The following CUL7 variants were observed in gnomAD, a reference collection of about 807,000 sequenced individuals.
The protein encoded by CUL7 is cullin-7.
A neutral mutation model predicts 177.7 loss-of-function variants in CUL7; 96 were observed. The observed-to-expected ratio is 0.54, with a 90% CI of 0.46 to 0.64. The LOEUF (loss-of-function observed/expected upper bound fraction) is 0.64. Among genes scored for constraint, CUL7 ranks in the 30% least tolerant of loss-of-function variants. The pLI is 0.00. For missense variants in CUL7, 1,893 were observed against 2,187.9 expected (o/e 0.87, Z 2.69); for synonymous variants, 824 against 890.2 (o/e 0.93, Z 1.32).
At chr6:43,039,175 C>T (rs546532902) in intron 22 of CUL7, among the ~76,000 whole-genome samples, 188 bp from the exon 23 acceptor site, 1 of 152,316 alleles carries the variant, frequency 6.6e-6, no homozygotes. Flanking sequence ...CTATGGCAAG[C>T]CTCAGGATCT....
rs1763052496 is a variant in CUL7 at position 43,037,629 on chromosome 6, C to G, written c.*59G>C. On this transcript the variant is annotated 3_prime_UTR_variant, in exon 26 of 26. Transcript: ENST00000265348. ...AACACACACGTCATATAATCAAACTCTTGGGTTTTATTTCTGTAAAAGCTC... is the reference window on the plus strand; with the variant it reads ...AACACACACGTCATATAATCAAACTGTTGGGTTTTATTTCTGTAAAAGCTC... 6.9e-7 allele frequency: 1 copy of G among 1,455,108 alleles called. No individual in the cohort carries two copies. Among genetic ancestry groups the G allele is most frequent in the African/African-American group, 1.4e-5 (1 of 70,972 alleles). The allele number at this position is 1,455,108 out of a possible 1,614,324, so 90.1% of individuals were successfully genotyped here.
intron 9 of CUL7, chr6:43,047,852 T>C: frequency 2.3e-6 from 1 of 438,480 alleles, no homozygotes; most frequent in Non-Finnish European, 4.1e-6. Flanking sequence ...ACGGGAAAGA[T>C]ACATAAATTA....
At position 43,045,026 on chromosome 6, in the gene CUL7, T is replaced by A; in HGVS notation, c.3039-141A>T. 3 of 1,381,228 alleles carry A rather than the reference T, an allele frequency of 2.2e-6. No individual in the cohort carries two copies. The highest frequency in any genetic ancestry group is 3.0e-6 in the Non-Finnish European group (3 of 1,005,890). 85.6% of individuals were successfully genotyped at this position (1,381,228 alleles called of 1,614,324 possible). On this transcript the variant is annotated intron_variant, in intron 15 of 25. Coordinates refer to ENST00000265348, the MANE Select transcript of CUL7 (RefSeq NM_014780.5). The surrounding 1 kb of genome is among the most constrained non-coding windows in gnomAD (Gnocchi z 4.8). ...TACTTCAGAACTGCTCTGTGCTAACTGGTATATCCCATTCCCAGCCCACTG... is the reference window on the plus strand; with the variant it reads ...TACTTCAGAACTGCTCTGTGCTAACAGGTATATCCCATTCCCAGCCCACTG...
Position 43,045,322 on chromosome 6 carries a change from G to A in CUL7, c.2943C>T (p.Leu981=). 6.2e-7 allele frequency: 1 copy of A among 1,614,228 alleles called. No individual in the cohort carries two copies. Among genetic ancestry groups the A allele is most frequent in the African/African-American group, 1.3e-5 (1 of 75,054 alleles). The change falls in exon 15 of 26, where the codon CTC becomes CTT. Residue 981 remains leucine, a synonymous_variant. Transcript: ENST00000265348. This position sits in a 1 kb window ranked among gnomAD's most constrained non-coding sequence, Gnocchi z 4.8. ...TGTAGAAGAGGCGTGTGTGACGACA[G>A]AGCTGCTCCCGGAACACTGGCCAGA... The part of the protein sequence containing the change: ...PTFWPVFREQ[L]CRHTRLFYMV...
chr6:43,041,169 G>A, intron 19 of CUL7, 94 bp from the exon 20 acceptor site: 2 of 1,248,320 alleles, frequency 1.6e-6, no homozygotes, highest in East Asian at 4.9e-5. Context: ...AGATATGAAT[G>A]CTGGCAGCTT....
Position 43,050,651 on chromosome 6 carries a change from C to CT in CUL7, c.1234-254dup, listed in dbSNP as rs898815800. ...GGATGGGCCTGTCTCTCCTCTCACC[C>CT]TGTCTTTCATGGCTTATGCCCCCAC... On this transcript the variant is annotated intron_variant, in intron 4 of 25. Transcript: ENST00000265348. The surrounding 1 kb of genome is among the most constrained non-coding windows in gnomAD (Gnocchi z 4.1). 1.3e-5 allele frequency among the ~76,000 whole-genome samples: 2 copies of CT among 151,792 alleles called. No individual in the cohort carries two copies. The highest frequency in any genetic ancestry group is 2.4e-5 in the African/African-American group (1 of 41,312).
rs140216592 is a variant in CUL7 at position 43,047,018 on chromosome 6, G to A, written c.2259C>T (p.Asp753=). ...AVVLNQLGAR[D]AISKALEKHL... The stretch of plus-strand genomic sequence containing the variant: ...GCTTTTCCAGGGCCTTGGAGATAGC[G>A]TCTCTTGCTCCCAGCTGATTCAGCA... Residue 753 remains aspartate (D), a synonymous_variant, in exon 10 of 26, where the codon GAC becomes GAT. Transcript: ENST00000265348. 15 of 1,612,314 alleles carry A rather than the reference G, an allele frequency of 9.3e-6. No homozygotes were observed. The highest frequency in any genetic ancestry group is 6.7e-5 in the Admixed American group (4 of 60,008).
intron 12 of CUL7, 71 bp from the exon 13 acceptor site, chr6:43,046,162 T>C: frequency 6.2e-7 from 1 of 1,612,630 alleles, no homozygotes; most frequent in Non-Finnish European, 8.5e-7. Flanking sequence ...GGGGTGGTGC[T>C]TCCCCCAAAA....
In CUL7 at chr6:43,040,048, C is replaced by T. The variant is rs1763275597; in HGVS notation, c.4294+108G>A. ...AGCACTGTGCCCAGCCAAAGACTAT[C>T]TCTTTTTACATCAAGCCTCCCAACA... On this transcript the variant is annotated intron_variant, in intron 22 of 25. Transcript: ENST00000265348. The surrounding 1 kb of genome is among the most constrained non-coding windows in gnomAD (Gnocchi z 4.2). The T allele has an allele frequency of 7.4e-7, 1 of 1,351,284 alleles. No homozygotes were observed. Among genetic ancestry groups the T allele is most frequent in the East Asian group, 2.3e-5 (1 of 43,654 alleles). 83.7% of individuals were successfully genotyped at this position (1,351,284 alleles called of 1,614,324 possible). A position where few individuals can be genotyped will look rare whatever the true frequency, so the allele number is the denominator to read the frequency against.
chr6:43,043,493 C>G lies in CUL7; in HGVS notation c.3310G>C (p.Glu1104Gln), dbSNP rs765477014. 6.2e-7 allele frequency: 1 copy of G among 1,614,042 alleles called. No individual in the cohort carries two copies. Among genetic ancestry groups the G allele is most frequent in the Non-Finnish European group, 8.5e-7 (1 of 1,179,960 alleles). The stretch of plus-strand genomic sequence containing the variant: ...ACAGGAGGGGGTGCCTCACAGGGCT[C>G]GACATGCACCAGCAGGTGAGTGAGA... ...RRLTHLLVHV[E>Q]PCEAPPPVVA... Residue 1104 changes from glutamate to glutamine, a missense_variant, in exon 17 of 26, where the codon GAG (glutamate) becomes CAG (glutamine). Glu to Gln is a conservative substitution (Grantham distance 29). Coordinates refer to ENST00000265348, the MANE Select transcript of CUL7 (RefSeq NM_014780.5). This position sits in a 1 kb window ranked among gnomAD's most constrained non-coding sequence, Gnocchi z 4.2.
intron 19 of CUL7, among the ~76,000 whole-genome samples, chr6:43,041,729 G>A (rs1184184991): frequency 6.6e-6 from 1 of 151,730 alleles, no homozygotes; most frequent in African/African-American, 2.4e-5. Flanking sequence ...GGAAGGGAAG[G>A]GAGAGGTGGC....
In CUL7 at chr6:43,050,623, G is replaced by C. The variant is rs1432617603; in HGVS notation, c.1234-225C>G. Among the ~76,000 whole-genome samples, 1 of 149,280 alleles carries C rather than the reference G, an allele frequency of 6.7e-6. No individual in the cohort carries two copies. Among genetic ancestry groups the C allele is most frequent in the Non-Finnish European group, 1.5e-5 (1 of 67,484 alleles). On this transcript the variant is annotated intron_variant, in intron 4 of 25. Transcript: ENST00000265348. The surrounding 1 kb of genome is among the most constrained non-coding windows in gnomAD (Gnocchi z 4.1). The stretch of plus-strand genomic sequence containing the variant: ...ACACACACAGGATGCCTTCTCCTTT[G>C]GGGGATGGGCCTGTCTCTCCTCTCA...
chr6:43,050,011 A>C lies in CUL7; in HGVS notation c.1521T>G (p.Pro507=). The C allele has an allele frequency of 6.2e-7, 1 of 1,614,166 alleles. No individual in the cohort carries two copies. Among genetic ancestry groups the C allele is most frequent in the Non-Finnish European group, 8.5e-7 (1 of 1,180,012 alleles). Residue 507 remains proline, a synonymous_variant, in exon 6 of 26, where the codon CCT becomes CCG. Coordinates refer to ENST00000265348, the MANE Select transcript of CUL7 (RefSeq NM_014780.5). This position sits in a 1 kb window ranked among gnomAD's most constrained non-coding sequence, Gnocchi z 4.1. ...LLFFIKKLDG[P]DHQEVLQILQ... The stretch of plus-strand genomic sequence containing the variant: ...GGATCTGGAGAACCTCCTGATGGTC[A>C]GGTCCATCCAGCTTCTTGATGAAGA...
rs926504841 is a variant in CUL7 at position 43,037,989 on chromosome 6, C to T, written c.4796G>A (p.Gly1599Asp). 1.9e-6 allele frequency: 3 copies of T among 1,593,972 alleles called. No homozygotes were observed. The highest frequency in any genetic ancestry group is 1.1e-5 in the South Asian group (1 of 87,834). The change falls in exon 26 of 26, where the codon GGC (glycine) becomes GAC (aspartate). Residue 1599 changes from glycine to aspartate, a missense_variant. Transcript: ENST00000265348. Reference sequence around the variant, plus strand: ...GACCAAACCCCTGGGAGGACACGGGCCCTTCTGCCAAGCCTCCAGCACCTG... The same window carrying T: ...GACCAAACCCCTGGGAGGACACGGGTCCTTCTGCCAAGCCTCCAGCACCTG... ...VCLVLEAWQK[G>D]PCPPRGLVSS...
Position 43,050,972 on chromosome 6 carries a change from A to C in CUL7, c.1229T>G (p.Val410Gly). The change falls in exon 4 of 26, where the codon GTG (valine) becomes GGG (glycine). Residue 410 changes from valine (V) to glycine (G), a missense_variant. Transcript: ENST00000265348. This position sits in a 1 kb window ranked among gnomAD's most constrained non-coding sequence, Gnocchi z 4.1. ...FRQSNNGVPP[V>G]QVFWESTGRT... Reference sequence around the variant, plus strand: ...CCACCACCATGTGCCACTCACCTGCACAGGAGGCACACCGTTGTTGCTCTG... The same window carrying C: ...CCACCACCATGTGCCACTCACCTGCCCAGGAGGCACACCGTTGTTGCTCTG... The C allele has an allele frequency of 6.2e-7, 1 of 1,613,974 alleles. No homozygotes were observed. The highest frequency in any genetic ancestry group is 1.1e-5 in the South Asian group (1 of 91,076).
In CUL7 at chr6:43,043,602, C is replaced by G; in HGVS notation, c.3201G>C (p.Trp1067Cys). The G allele has an allele frequency of 6.2e-7, 1 of 1,612,030 alleles. No homozygotes were observed. Among genetic ancestry groups the G allele is most frequent in the Non-Finnish European group, 8.5e-7 (1 of 1,179,026 alleles). Residue 1067 changes from tryptophan to cysteine, a missense_variant, in exon 17 of 26, where the codon TGG becomes TGC. This residue lies in a region of CUL7 where 973 missense variants were observed against 1,140.9 expected (regional missense o/e 0.85). Coordinates refer to ENST00000265348, the MANE Select transcript of CUL7 (RefSeq NM_014780.5). The surrounding 1 kb of genome is among the most constrained non-coding windows in gnomAD (Gnocchi z 4.2). Reference sequence around the variant, plus strand: ...GACACTCCAGGTACTGGTCCAGCAGCCAACCCAGGGGGCTAATGCCATCCT... The same window carrying G: ...GACACTCCAGGTACTGGTCCAGCAGGCAACCCAGGGGGCTAATGCCATCCT... ...PDEDGISPLG[W>C]LLDQYLECQE...
At position 43,048,552 on chromosome 6, in the gene CUL7, G is replaced by A; in HGVS notation, c.1843C>T (p.Gln615Ter). ...AKVEAKEPPS[Q>*]SPNTPLQRLV... is the part of the protein sequence containing the mutation. ...CGCTGCAGGGGAGTGTTGGGACTCT[G>A]AGATGGGGGTTCTTTTGCTACAGGA... is the stretch of plus-strand genomic sequence containing the variant. The change falls in exon 8 of 26, where the codon CAG (glutamine) becomes TAG (stop). Residue 615 changes from glutamine (Q) to a stop codon, truncating the protein, a stop_gained. Coordinates refer to ENST00000265348, the MANE Select transcript of CUL7 (RefSeq NM_014780.5). LOFTEE classifies it high-confidence loss of function. 1 of 1,613,960 alleles carries A rather than the reference G, an allele frequency of 6.2e-7. No homozygotes were observed. The highest frequency in any genetic ancestry group is 8.5e-7 in the Non-Finnish European group (1 of 1,179,850).
Position 43,049,969 on chromosome 6 carries a change from A to G in CUL7, c.1563T>C (p.Asp521=), listed in dbSNP as rs1213188065. 1.2e-6 allele frequency: 2 copies of G among 1,613,698 alleles called. No homozygotes were observed. The highest frequency in any genetic ancestry group is 3.3e-5 in the Admixed American group (2 of 60,004). The change falls in exon 6 of 26, where the codon GAT becomes GAC. Residue 521 remains aspartate, a synonymous_variant. Transcript: ENST00000265348. ...GTCTCCAGGCTGGCTCTACCTCCCC[A>G]TCTAGGTTCTCCTGGAGGATCTGGA... The part of the protein sequence containing the change: ...EVLQILQENL[D]GEILDDEILA...
Position 43,038,608 on chromosome 6 carries a change from T to C in CUL7, c.4525A>G (p.Arg1509Gly), listed in dbSNP as rs367949743. ...NQAIGPLTSS[R>G]GPLDLHEQKD... ...TGCTCGTGAAGGTCCAGGGGGCCTC[T>C]TGAAGAGGTGAGGGGCCCAATCGCC... is the stretch of plus-strand genomic sequence containing the variant. The change falls in exon 24 of 26, where the codon AGA becomes GGA. Residue 1509 changes from arginine to glycine, a missense_variant. This residue lies in a region of CUL7 where 248 missense variants were observed against 262.5 expected (regional missense o/e 0.94). Coordinates refer to ENST00000265348, the MANE Select transcript of CUL7 (RefSeq NM_014780.5). 1 of 1,613,966 alleles carries C rather than the reference T, an allele frequency of 6.2e-7. No homozygotes were observed. The highest frequency in any genetic ancestry group is 8.5e-7 in the Non-Finnish European group (1 of 1,179,984).
Sources: allele counts gnomAD v4.1 joint callset (sites outside exome capture counted in the v4.1 genomes callset), GRCh38; gene constraint gnomAD v4.1.1; regional missense constraint gnomAD v4.1.1; non-coding constraint Gnocchi (gnomAD v3.1); transcripts MANE v1.5; gene names NCBI Gene and HGNC (gene_info 2026-07-23, HGNC 2026-07-21).